The following TNRC18 variants were observed in gnomAD, a reference collection of about 807,000 sequenced individuals.
The protein encoded by TNRC18 is trinucleotide repeat-containing gene 18 protein.
A neutral mutation model predicts 226.7 loss-of-function variants in TNRC18; 69 were observed. That is an observed-to-expected ratio of 0.30 (90% CI 0.25 to 0.37). The LOEUF is 0.37. Among genes scored for constraint, TNRC18 ranks in the 10% least tolerant of loss-of-function variants. The pLI is 1.00. For missense variants in TNRC18, 4,754 were observed against 4,256.6 expected (o/e 1.12, Z -3.25); for synonymous variants, 2,449 against 1,927.6 (o/e 1.27, Z -7.09).
At position 5,309,378 on chromosome 7, in the gene TNRC18, C is replaced by T. The variant is rs781297605; in HGVS notation, c.8389-10G>A. The T allele has an allele frequency of 1.1e-5, 18 of 1,597,658 alleles. No individual in the cohort carries two copies. The highest frequency in any genetic ancestry group is 1.0e-4 in the South Asian group (9 of 88,702). ...CCTTCATGCCACGCCGCTGCAAGGA[C>T]ACGTGTGTCACGGCACAGGCCCTGG... is the stretch of plus-strand genomic sequence containing the variant. On this transcript the variant is annotated splice_polypyrimidine_tract_variant and intron_variant, in intron 27 of 29. Transcript: ENST00000430969. The surrounding 1 kb of genome is among the most constrained non-coding windows in gnomAD (Gnocchi z 5.7).
chr7:5,318,170 C>G (rs373062833), intron 24 of TNRC18, among the ~76,000 whole-genome samples: 229 of 152,202 alleles, frequency 1.5e-3, no homozygotes, highest in African/African-American at 5.0e-3. Flanking sequence ...CCACGCCTGG[C>G]CCAAGCCTGG....
intron 17 of TNRC18, among the ~76,000 whole-genome samples, chr7:5,349,889 G>A (rs1311498076): frequency 6.6e-6 from 1 of 152,314 alleles, no homozygotes; most frequent in East Asian, 1.9e-4. Context: ...GACTGGCGGG[G>A]GTGGAGGGGG....
chr7:5,368,489 C>T (rs1267554712), intron 11 of TNRC18, among the ~76,000 whole-genome samples: 1 of 151,546 alleles, frequency 6.6e-6, no homozygotes, highest in Non-Finnish European at 1.5e-5. Context: ...ATGGTGAAAC[C>T]CCATCTCCAC....
intron 2 of TNRC18, among the ~76,000 whole-genome samples, chr7:5,396,100 G>C (rs1442883541): frequency 6.6e-6 from 1 of 150,596 alleles, no homozygotes; most frequent in African/African-American, 2.5e-5. Flanking sequence ...GAAGCCCGGA[G>C]GCGGAGGTTG....
chr7:5,374,160 TGGGCG>T lies in TNRC18; in HGVS notation c.3119_3123del (p.Pro1040HisfsTer72). On this transcript the variant is annotated frameshift_variant, in exon 10 of 30. Coordinates refer to ENST00000430969, the MANE Select transcript of TNRC18 (RefSeq NM_001080495.3). LOFTEE classifies it high-confidence loss of function. The stretch of plus-strand genomic sequence containing the variant: ...TCCTCCTTGCGGGTGATACCCGGGG[TGGGCG>T]GTGGGGAGGCGGGCGGCGGGCTGGT... The T allele has an allele frequency of 3.6e-6, 3 of 824,582 alleles. No individual in the cohort carries two copies. Among genetic ancestry groups the T allele is most frequent in the Admixed American group, 1.3e-4 (1 of 8,000 alleles). 51.1% of individuals were successfully genotyped at this position (824,582 alleles called of 1,614,324 possible).
At chr7:5,338,696 A>G (rs1412330662) in intron 18 of TNRC18, among the ~76,000 whole-genome samples, 1 of 151,584 alleles carries the variant, frequency 6.6e-6, no homozygotes, top group Non-Finnish European at 1.5e-5. Flanking sequence ...CAAGGCAGGC[A>G]GATCACGTGA....
intron 15 of TNRC18, among the ~76,000 whole-genome samples, chr7:5,358,171 C>CA (rs1375554688): frequency 3.3e-5 from 5 of 151,466 alleles, no homozygotes; most frequent in East Asian, 1.9e-4. Context: ...CCGAAGCTGC[C>CA]AAAAAAAATG....
chr7:5,315,114 A>C lies in TNRC18; in HGVS notation c.6897T>G (p.Ser2299Arg). 3 of 1,612,968 alleles carry C rather than the reference A, an allele frequency of 1.9e-6. No individual in the cohort carries two copies. Among genetic ancestry groups the C allele is most frequent in the Non-Finnish European group, 2.5e-6 (3 of 1,179,684 alleles). The change falls in exon 26 of 30, where the codon AGT (serine) becomes AGG (arginine). Residue 2299 changes from serine to arginine, a missense_variant. Transcript: ENST00000430969. The part of the protein sequence containing the change: ...AEPSPALLVP[S>R]AKRRSRKTSK... ...TGGTCTTCCGGCTGCGGCGCTTGGC[A>C]CTTGGCACCAGAAGGGCCGGGGACG...
intron 2 of TNRC18, chr7:5,420,424 G>A (rs1050728559): frequency 2.0e-5 from 9 of 455,808 alleles, no homozygotes; most frequent in African/African-American, 1.2e-4. Context: ...CCCGAGGGCC[G>A]GGGTCGCCGC....
chr7:5,367,222 G>C (rs555616305), intron 11 of TNRC18, among the ~76,000 whole-genome samples: 5 of 151,918 alleles, frequency 3.3e-5, no homozygotes, highest in African/African-American at 1.2e-4. Context: ...AAAATTAGCT[G>C]GATGTGGTAG....
At chr7:5,338,044 A>G (rs1301448758) in intron 18 of TNRC18, among the ~76,000 whole-genome samples, 13 of 152,346 alleles carry the variant, frequency 8.5e-5, no homozygotes, top group Non-Finnish European at 1.8e-4. Context: ...ATACCATGTG[A>G]AAAAGTATTA....
chr7:5,356,916 T>G lies in TNRC18; in HGVS notation c.5194A>C (p.Asn1732His). 1 of 1,541,408 alleles carries G rather than the reference T, an allele frequency of 6.5e-7. No individual in the cohort carries two copies. Among genetic ancestry groups the G allele is most frequent in the South Asian group, 1.2e-5 (1 of 82,640 alleles). ...AGGTGGCGCGGCATACGCTACTTAC[T>G]GTAAGAGTAGCTGCTCACTTCCGAG... ...FASEVSSYSY[N>H]TDSEEDEEFL... is the part of the protein sequence containing the mutation. Residue 1732 changes from asparagine to histidine, a missense_variant and splice_region_variant, in exon 16 of 30, where the codon AAT becomes CAT. Physicochemically the swap from Asn to His is moderately conservative, Grantham distance 68. Coordinates refer to ENST00000430969, the MANE Select transcript of TNRC18 (RefSeq NM_001080495.3).
rs1214922242 is a variant in TNRC18, at chr7:5,307,040, CCTCTCCCTCTT to C, written c.*1055_*1065del. The stretch of plus-strand genomic sequence containing the variant: ...GACCCTGGGCTTGGGCCGGCTCCTG[CCTCTCCCTCTT>C]CTCTCCCTAACAAACACTTCTCTAT... On this transcript the variant is annotated 3_prime_UTR_variant, in exon 30 of 30. Coordinates refer to ENST00000430969, the MANE Select transcript of TNRC18 (RefSeq NM_001080495.3). 3 of 150,110 alleles carry C rather than the reference CCTCTCCCTCTT, an allele frequency of 2.0e-5. No individual in the cohort carries two copies. Among genetic ancestry groups the C allele is most frequent in the Admixed American group, 1.3e-4 (2 of 15,070 alleles). 9.3% of individuals were successfully genotyped at this position (150,110 alleles called of 1,614,324 possible). A position where few individuals can be genotyped will look rare whatever the true frequency, so the allele number is the denominator to read the frequency against.
chr7:5,397,176 T>C (rs1368925774), intron 2 of TNRC18, among the ~76,000 whole-genome samples: 3 of 151,886 alleles, frequency 2.0e-5, no homozygotes, highest in South Asian at 2.1e-4. Context: ...AGTCAGTTCA[T>C]CCATGCGGCC....
At chr7:5,308,842 A>G (rs1490940679) in intron 29 of TNRC18, 33 bp downstream of exon 29, 4 of 336,262 alleles carry the variant, frequency 1.2e-5, no homozygotes, top group Non-Finnish European at 2.1e-5. Flanking sequence ...AGCCATCCCC[A>G]ACCCGCCCAC....
chr7:5,387,116 A>AT (rs1779848728), intron 5 of TNRC18, among the ~76,000 whole-genome samples: 1 of 152,204 alleles, frequency 6.6e-6, no homozygotes, highest in Non-Finnish European at 1.5e-5. Context: ...AGAATCCAAA[A>AT]TATAACAGAT....
intron 16 of TNRC18, among the ~76,000 whole-genome samples, chr7:5,353,122 C>A (rs1031133073): frequency 1.9e-4 from 29 of 152,356 alleles, no homozygotes; most frequent in African/African-American, 7.0e-4. Context: ...AGGCTACCAG[C>A]CCCTGCCCAT....
chr7:5,375,989 A>C (rs763282226), intron 9 of TNRC18, 45 bp downstream of exon 9: 1 of 1,542,164 alleles, frequency 6.5e-7, no homozygotes, highest in Non-Finnish European at 8.7e-7. Context: ...CTCGTCACCC[A>C]TGGGGGCCCC....
rs1383951519 is a variant in TNRC18 at position 5,421,499 on chromosome 7, G to C, written c.-243-10C>G. On this transcript the variant is annotated splice_polypyrimidine_tract_variant and intron_variant, in intron 1 of 29. Coordinates refer to ENST00000430969, the MANE Select transcript of TNRC18 (RefSeq NM_001080495.3). ...GCGGCGCACACGGCGTCTTGGCGGG[G>C]AGGAGACAGGCCGCGGAAGAAATAG... 6.6e-6 allele frequency: 1 copy of C among 151,670 alleles called. No individual in the cohort carries two copies. The highest frequency in any genetic ancestry group is 1.5e-5 in the Non-Finnish European group (1 of 68,222). The allele number at this position is 151,670 out of a possible 1,614,324, so 9.4% of individuals were successfully genotyped here. A position where few individuals can be genotyped will look rare whatever the true frequency, so the allele number is the denominator to read the frequency against.
Sources: allele counts gnomAD v4.1 joint callset (sites outside exome capture counted in the v4.1 genomes callset), GRCh38; gene constraint gnomAD v4.1.1; non-coding constraint Gnocchi (gnomAD v3.1); transcripts MANE v1.5; gene names NCBI Gene and HGNC (gene_info 2026-07-23, HGNC 2026-07-21).